Variants in TRPM3 observed in about 807,000 individuals in gnomAD.
The protein encoded by TRPM3 is transient receptor potential cation channel subfamily M member 3.
A neutral mutation model predicts 181.2 loss-of-function variants in TRPM3; 77 were observed. The observed-to-expected ratio is 0.42, with a 90% CI of 0.35 to 0.51. The LOEUF is 0.51. Among genes scored for constraint, TRPM3 ranks in the 20% least tolerant of loss-of-function variants. The pLI is 0.01. For missense variants in TRPM3, 1,759 were observed against 2,196.7 expected (o/e 0.80, Z 3.98); for synonymous variants, 745 against 796.4 (o/e 0.94, Z 1.09).
intron 9 of TRPM3, among the ~76,000 whole-genome samples, chr9:70,654,838 C>T (rs116317974): frequency 9.2e-4 from 139 of 151,694 alleles, no homozygotes; most frequent in Non-Finnish European, 1.7e-3. Context: ...ACCTGCACCA[C>T]GCCTGGCTAA....
intron 1 of TRPM3, among the ~76,000 whole-genome samples, chr9:71,068,254 T>A (rs555878539): frequency 6.6e-6 from 1 of 152,364 alleles, no homozygotes; most frequent in South Asian, 2.1e-4. Flanking sequence ...ATACTTTCAA[T>A]TCTTGGTACA....
chr9:70,794,177 G>T (rs2086400413), intron 6 of TRPM3, among the ~76,000 whole-genome samples: 1 of 151,934 alleles, frequency 6.6e-6, no homozygotes, highest in African/African-American at 2.4e-5. Flanking sequence ...TGTCAGGAGG[G>T]GCTTCCTTTC....
rs1254188883 is a variant in TRPM3 at position 70,536,596 on chromosome 9, T to A, written c.4517A>T (p.His1506Leu). The A allele has an allele frequency of 1.9e-6, 3 of 1,613,974 alleles. No homozygotes were observed. The highest frequency in any genetic ancestry group is 1.1e-5 in the South Asian group (1 of 91,076). ...NPWDSEPPMY[H>L]TIERSKSSRY... The stretch of plus-strand genomic sequence containing the variant: ...GCTACTTTTGGAACGCTCAATGGTG[T>A]GGTACATCGGAGGCTCTGAGTCCCA... The change falls in exon 26 of 26, where the codon CAC becomes CTC. Residue 1506 changes from histidine (H) to leucine (L), a missense_variant. His to Leu is a moderately conservative substitution (Grantham distance 99). This residue lies in a region of TRPM3 where 612 missense variants were observed against 590.0 expected (regional missense o/e 1.04). Transcript: ENST00000677713.
chr9:71,026,859 C>T (rs1432034538), intron 1 of TRPM3, among the ~76,000 whole-genome samples: 1 of 152,220 alleles, frequency 6.6e-6, no homozygotes, highest in South Asian at 2.1e-4. Context: ...CACACACAGT[C>T]GCAGGTGGGG....
chr9:70,597,481 G>A (rs2059226857), intron 21 of TRPM3, among the ~76,000 whole-genome samples: 1 of 152,192 alleles, frequency 6.6e-6, no homozygotes, highest in African/African-American at 2.4e-5. Flanking sequence ...AGAAAACTGG[G>A]AGAACTGATG....
chr9:70,864,435 TG>T lies in TRPM3; in HGVS notation c.253del (p.His85IlefsTer8). 6.8e-7 allele frequency: 1 copy of T among 1,479,928 alleles called. No homozygotes were observed. The highest frequency in any genetic ancestry group is 8.9e-7 in the Non-Finnish European group (1 of 1,122,378). 91.7% of individuals were successfully genotyped at this position (1,479,928 alleles called of 1,614,324 possible). ...ACATTATAGACAGCAAGATTACCTA[TG>T]GGGGTCTTTGGTGCTGGGTATGATG... ...VHIIPSTKDP[H>X]RCCCGRLIGQ... On this transcript the variant is annotated frameshift_variant, in exon 2 of 26. Coordinates refer to ENST00000677713, the MANE Select transcript of TRPM3 (RefSeq NM_001366145.2). LOFTEE classifies it high-confidence loss of function.
rs958703458 is a variant in TRPM3 at position 71,446,713 on chromosome 9, T to C, written c.123A>G (p.Lys41=). 10 of 1,550,448 alleles carry C rather than the reference T, an allele frequency of 6.4e-6. No individual in the cohort carries two copies. In the Admixed American group the frequency reaches 1.8e-4, roughly 27 times the overall value. ...TGGACCCCTGCTTGGAACTTAACCT[T>C]TTCCACGACTCGGCAAACCTGCCCC... Residue 41 remains lysine, a synonymous_variant, in exon 1 of 25, where the codon AAA becomes AAG. Coordinates refer to the TRPM3 transcript ENST00000357533.
chr9:71,142,903 A>G (rs2075198206), intron 1 of TRPM3, among the ~76,000 whole-genome samples: 1 of 151,878 alleles, frequency 6.6e-6, no homozygotes, highest in Non-Finnish European at 1.5e-5. Flanking sequence ...ACTTGAGCCC[A>G]GGAGTTTGAG....
chr9:70,834,687 T>C (rs1028176413), intron 5 of TRPM3, among the ~76,000 whole-genome samples: 4 of 152,126 alleles, frequency 2.6e-5, no homozygotes, highest in South Asian at 2.1e-4. Flanking sequence ...GAGGTCCACA[T>C]GGCAAGGAAC....
chr9:70,891,314 A>T (rs2096199012), intron 1 of TRPM3, among the ~76,000 whole-genome samples: 1 of 152,222 alleles, frequency 6.6e-6, no homozygotes. Context: ...GAGGGAAAAG[A>T]TGAAGTATAT....
intron 1 of TRPM3, among the ~76,000 whole-genome samples, chr9:71,348,332 G>A (rs2091408686): frequency 6.6e-6 from 1 of 151,966 alleles, no homozygotes; most frequent in Admixed American, 6.6e-5. Flanking sequence ...ATATCTCACA[G>A]CAGCACAATT....
chr9:71,032,565 C>A (rs1023939325), intron 1 of TRPM3, among the ~76,000 whole-genome samples: 1 of 152,050 alleles, frequency 6.6e-6, no homozygotes, highest in African/African-American at 2.4e-5. Context: ...TCTTAATAAG[C>A]AAAGACATGC....
At chr9:71,444,433 G>A (rs912746779) in intron 1 of TRPM3, among the ~76,000 whole-genome samples, 6 of 151,766 alleles carry the variant, frequency 4.0e-5, no homozygotes, top group Non-Finnish European at 7.4e-5. Context: ...AAGACAGAGT[G>A]AACCCCTCAT....
intron 14 of TRPM3, among the ~76,000 whole-genome samples, chr9:70,624,529 C>T (rs757755115): frequency 1.3e-5 from 2 of 152,052 alleles, no homozygotes; most frequent in Admixed American, 6.6e-5. Flanking sequence ...TTTTAAGAAA[C>T]GTTACTTATT....
At chr9:71,437,196 G>A (rs2131641835) in intron 1 of TRPM3, among the ~76,000 whole-genome samples, 1 of 152,244 alleles carries the variant, frequency 6.6e-6, no homozygotes, top group African/African-American at 2.4e-5. Flanking sequence ...GAAAATAGTT[G>A]ATGAAGGAAG....
intron 1 of TRPM3, among the ~76,000 whole-genome samples, chr9:71,135,827 T>C (rs1486260359): frequency 6.6e-5 from 10 of 152,198 alleles, no homozygotes; most frequent in African/African-American, 1.9e-4. Flanking sequence ...ATTTTCTCAG[T>C]AGAATGAAAC....
intron 1 of TRPM3, among the ~76,000 whole-genome samples, chr9:71,292,074 C>A (rs1029786485): frequency 2.0e-5 from 3 of 151,902 alleles, no homozygotes; most frequent in Middle Eastern, 3.4e-3. Context: ...AAGATAGAAA[C>A]AACAGAAATT....
intron 1 of TRPM3, among the ~76,000 whole-genome samples, chr9:71,348,624 C>T (rs1168240730): frequency 3.3e-5 from 5 of 151,698 alleles, no homozygotes; most frequent in Non-Finnish European, 7.4e-5. Context: ...GGCTGGAGTG[C>T]AGTGTCGCAA....
intron 22 of TRPM3, among the ~76,000 whole-genome samples, chr9:70,581,184 C>G (rs2055553559): frequency 6.6e-6 from 1 of 152,232 alleles, no homozygotes; most frequent in Admixed American, 6.5e-5. Context: ...GAAATAGCCC[C>G]TCTATCCTTA....
Sources: gnomAD v4.1 joint callset for allele counts (sites outside exome capture counted in the v4.1 genomes callset) on GRCh38, gnomAD v4.1.1 for gene constraint, gnomAD v4.1.1 regional missense constraint, MANE v1.5 for transcripts, NCBI Gene and HGNC (gene_info 2026-07-23, HGNC 2026-07-21) for gene names.